Variants in PPTC7 observed in about 807,000 individuals in gnomAD.
PPTC7 encodes protein phosphatase targeting COQ7, also known as protein phosphatase PTC7 homolog.
PPTC7 carries 6 observed loss-of-function variants against 30.8 expected under a neutral mutation model. That is an observed-to-expected ratio of 0.19 (90% CI 0.11 to 0.38). The LOEUF (loss-of-function observed/expected upper bound fraction) is 0.38. Among genes scored for constraint, PPTC7 ranks in the 10% least tolerant of loss-of-function variants. PPTC7 has a pLI of 1.00. For missense variants in PPTC7, 218 were observed against 404.8 expected, an observed-to-expected ratio of 0.54 and a Z score of 3.96; for synonymous variants, 163 against 168.1, an observed-to-expected ratio of 0.97 and a Z score of 0.23.
At chr12:110,558,949 A>G (rs994115488) in intron 1 of PPTC7, among the ~76,000 whole-genome samples, 10 of 152,154 alleles carry the variant, frequency 6.6e-5, no homozygotes, top group Non-Finnish European at 1.0e-4. Context: ...ATGAAGCAAA[A>G]CGAGCAATTA....
chr12:110,545,672 T>C (rs1217107034), intron 3 of PPTC7, among the ~76,000 whole-genome samples: 1 of 152,218 alleles, frequency 6.6e-6, no homozygotes, highest in African/African-American at 2.4e-5. Flanking sequence ...TGTCAAATTA[T>C]TGGGTATTTA....
chr12:110,536,397 A>C lies in PPTC7; in HGVS notation c.*640T>G, dbSNP rs1041820079. The C allele has an allele frequency of 6.6e-6, 1 of 152,254 alleles. No individual in the cohort carries two copies. The highest frequency in any genetic ancestry group is 2.4e-5 in the African/African-American group (1 of 41,460). 9.4% of individuals were successfully genotyped at this position (152,254 alleles called of 1,614,324 possible). Reference sequence around the variant, plus strand: ...ACAAACATCTTTTTAAAAGCATGAAATATTTCCATCCATAGAACTAAAATG... The same window carrying C: ...ACAAACATCTTTTTAAAAGCATGAACTATTTCCATCCATAGAACTAAAATG... On this transcript the variant is annotated 3_prime_UTR_variant, in exon 6 of 6. Transcript: ENST00000354300.
intron 1 of PPTC7, among the ~76,000 whole-genome samples, chr12:110,572,842 G>A (rs182882579): frequency 2.0e-5 from 3 of 152,158 alleles, no homozygotes; most frequent in Non-Finnish European, 4.4e-5. Context: ...AACCTTTCTG[G>A]AGGACCTATC....
intron 1 of PPTC7, among the ~76,000 whole-genome samples, chr12:110,569,426 A>G (rs2064514816): frequency 1.3e-5 from 2 of 152,164 alleles, no homozygotes; most frequent in South Asian, 4.1e-4. Flanking sequence ...TGGAGATAAC[A>G]CTGCTCCCAA....
chr12:110,566,520 C>T (rs919596499), intron 1 of PPTC7, among the ~76,000 whole-genome samples: 1 of 152,144 alleles, frequency 6.6e-6, no homozygotes, highest in African/African-American at 2.4e-5. Context: ...TTCACAGGGC[C>T]GGTGTGAGGA....
At chr12:110,580,931 T>C (rs767302729) in intron 1 of PPTC7, among the ~76,000 whole-genome samples, 3 of 151,972 alleles carry the variant, frequency 2.0e-5, no homozygotes, top group Non-Finnish European at 2.9e-5. Flanking sequence ...TTTGTATTTT[T>C]AGTAAAGACT....
chr12:110,541,158 G>A (rs1199221114), intron 3 of PPTC7, among the ~76,000 whole-genome samples: 1 of 150,228 alleles, frequency 6.7e-6, no homozygotes. Flanking sequence ...AAGGTGGGTG[G>A]ATCACCTGAG....
At chr12:110,540,508 C>T (rs1311816914) in intron 3 of PPTC7, among the ~76,000 whole-genome samples, 3 of 151,796 alleles carry the variant, frequency 2.0e-5, no homozygotes, top group Non-Finnish European at 2.9e-5. Flanking sequence ...TGCACCACCA[C>T]GCCTAATTTG....
intron 3 of PPTC7, among the ~76,000 whole-genome samples, chr12:110,540,317 C>T (rs988201236): frequency 7.7e-6 from 1 of 129,682 alleles, no homozygotes; most frequent in African/African-American, 2.8e-5. Context: ...CCATCCCCCC[C>T]CGCCTTTTTT....
chr12:110,544,701 G>A (rs896008783), intron 3 of PPTC7, among the ~76,000 whole-genome samples: 1 of 152,130 alleles, frequency 6.6e-6, no homozygotes, highest in Non-Finnish European at 1.5e-5. Flanking sequence ...AGGCATGGTG[G>A]CGGGCACCTG....
intron 2 of PPTC7, chr12:110,546,357 ACT>A (rs2064306002): frequency 1.9e-5 from 8 of 425,496 alleles, no homozygotes; most frequent in African/African-American, 9.9e-5. Flanking sequence ...AATAAAAATG[ACT>A]GGTATTTAAT....
chr12:110,538,829 T>C (rs1174529630), intron 4 of PPTC7, among the ~76,000 whole-genome samples: 1 of 152,344 alleles, frequency 6.6e-6, no homozygotes. Context: ...TCTGCTTCAA[T>C]GTCACCTCCT....
chr12:110,580,775 G>T (rs569130848), intron 1 of PPTC7, among the ~76,000 whole-genome samples: 1 of 150,922 alleles, frequency 6.6e-6, no homozygotes, highest in Non-Finnish European at 1.5e-5. Flanking sequence ...TTTTTGAGAC[G>T]GAGTCTCGCA....
At chr12:110,562,392 T>G (rs1053210461) in intron 1 of PPTC7, among the ~76,000 whole-genome samples, 1 of 147,256 alleles carries the variant, frequency 6.8e-6, no homozygotes, top group Admixed American at 6.8e-5. Context: ...TACAGAAAAA[T>G]GTCATGTGCT....
chr12:110,539,888 C>T lies in PPTC7; in HGVS notation c.660G>A (p.Thr220=), dbSNP rs202087189. ...TGTTGTCAAAGAGTCCATCTGTTGC[C>T]GTCAGGATAATGTCTCCTAGCTGGA... ...FDVQLGDIIL[T]ATDGLFDNMP... Residue 220 remains threonine (T), a synonymous_variant, in exon 4 of 6, where the codon ACG becomes ACA. Coordinates refer to ENST00000354300, the MANE Select transcript of PPTC7 (RefSeq NM_139283.2). 25 of 1,613,966 alleles carry T rather than the reference C, an allele frequency of 1.5e-5. No individual in the cohort carries two copies. In the East Asian group the frequency reaches 2.0e-4, roughly 13 times the overall value.
intron 1 of PPTC7, among the ~76,000 whole-genome samples, chr12:110,562,453 T>C (rs1311038842): frequency 6.6e-6 from 1 of 152,064 alleles, no homozygotes; most frequent in African/African-American, 2.4e-5. Context: ...ATTATATAGA[T>C]TATGCTGCAC....
chr12:110,563,857 G>A (rs954055999), intron 1 of PPTC7, among the ~76,000 whole-genome samples: 2 of 152,138 alleles, frequency 1.3e-5, no homozygotes, highest in African/African-American at 4.8e-5. Flanking sequence ...GACTATTCTG[G>A]GCAGTTGCCT....
chr12:110,575,892 AT>A (rs1322949787), intron 1 of PPTC7, among the ~76,000 whole-genome samples: 1 of 152,220 alleles, frequency 6.6e-6, no homozygotes, highest in Non-Finnish European at 1.5e-5. Context: ...GACTTCAAAA[AT>A]AAAGGTACCT....
In PPTC7 at chr12:110,545,953, G is replaced by A; in HGVS notation, c.529C>T (p.Gln177Ter). ...TGGAATGGAGTGTTGAAGTAATGCT[G>A]CTGCTCATCTGATCGGTGCACGACT... ...GEVVHRSDEQ[Q>*]HYFNTPFQLS... The change falls in exon 3 of 6, where the codon CAG (glutamine) becomes TAG (stop). Residue 177 changes from glutamine (Q) to a stop codon, truncating the protein, a stop_gained. Coordinates refer to ENST00000354300, the MANE Select transcript of PPTC7 (RefSeq NM_139283.2). LOFTEE classifies it high-confidence loss of function. 6.2e-7 allele frequency: 1 copy of A among 1,614,174 alleles called. No individual in the cohort carries two copies. Among genetic ancestry groups the A allele is most frequent in the Non-Finnish European group, 8.5e-7 (1 of 1,180,044 alleles).
Sources: gnomAD v4.1 joint callset for allele counts (sites outside exome capture counted in the v4.1 genomes callset) on GRCh38, gnomAD v4.1.1 for gene constraint, MANE v1.5 for transcripts, NCBI Gene and HGNC (gene_info 2026-07-23, HGNC 2026-07-21) for gene names.